LDLRAD4: variants seen among roughly 807,000 people sequenced by gnomAD.
LDLRAD4 encodes the protein low-density lipoprotein receptor class A domain-containing protein 4.
A neutral mutation model predicts 17.0 loss-of-function variants in LDLRAD4; 5 were observed. The observed-to-expected ratio is 0.29, with a 90% CI of 0.15 to 0.62. The LOEUF (loss-of-function observed/expected upper bound fraction) is 0.62, where lower values mean the gene tolerates loss of function less well. LDLRAD4 is among the 20% of genes least tolerant of loss of function. LDLRAD4 has a pLI of 0.84. For missense variants in LDLRAD4, 340 were observed against 424.7 expected, an observed-to-expected ratio of 0.80 and a Z score of 1.75; for synonymous variants, 168 against 171.8, an observed-to-expected ratio of 0.98 and a Z score of 0.17.
chr18:13,640,959 A>G (rs2042499441), intron 4 of LDLRAD4, among the ~76,000 whole-genome samples: 1 of 152,252 alleles, frequency 6.6e-6, no homozygotes, highest in Admixed American at 6.5e-5. Context: ...CACACAGTGC[A>G]GAGGTGCAGC....
intron 2 of LDLRAD4, among the ~76,000 whole-genome samples, chr18:13,411,031 G>C (rs955908635): frequency 6.6e-6 from 1 of 152,146 alleles, no homozygotes. Flanking sequence ...CGGGTGGATT[G>C]CTTGCATCCA....
chr18:13,502,235 T>C (rs76309979), intron 3 of LDLRAD4, among the ~76,000 whole-genome samples: 4,417 of 152,380 alleles, frequency 0.029, 75 homozygotes, highest in East Asian at 0.049. Flanking sequence ...TACTACTTAG[T>C]GCTTTAGGTT....
intron 1 of LDLRAD4, among the ~76,000 whole-genome samples, chr18:13,349,280 C>T (rs1017053907): frequency 2.0e-5 from 3 of 152,242 alleles, no homozygotes; most frequent in Non-Finnish European, 2.9e-5. Context: ...TACTCTTTTA[C>T]AGCTCCATCT....
At position 13,645,396 on chromosome 18, in the gene LDLRAD4, C is replaced by T. The variant is rs1340682557; in HGVS notation, c.660C>T (p.Asp220=). Residue 220 remains aspartate (D), a synonymous_variant, in exon 6 of 6, where the codon GAC becomes GAT. Transcript: ENST00000359446. The surrounding 1 kb of genome is among the most constrained non-coding windows in gnomAD (Gnocchi z 5.7). ...CCATATTTGACAGTGATTTAATAGA[C>T]ATTGCTATGTATAGCGGGGGTCCAT... is the stretch of plus-strand genomic sequence containing the variant. 6.2e-7 allele frequency: 1 copy of T among 1,614,088 alleles called. No individual in the cohort carries two copies. The highest frequency in any genetic ancestry group is 1.3e-5 in the African/African-American group (1 of 74,934).
At chr18:13,496,532 C>A (rs918915821) in intron 3 of LDLRAD4, among the ~76,000 whole-genome samples, 2 of 152,136 alleles carry the variant, frequency 1.3e-5, no homozygotes, top group East Asian at 1.9e-4. Flanking sequence ...AGAGGAAGAA[C>A]GGAGGAGATC....
chr18:13,483,533 C>G (rs1008283227), intron 3 of LDLRAD4, among the ~76,000 whole-genome samples: 2 of 152,166 alleles, frequency 1.3e-5, no homozygotes, highest in Non-Finnish European at 2.9e-5. Context: ...GGTGGGAGCC[C>G]TGGGGTTGGT....
At chr18:13,306,937 G>A (rs1198616678) in intron 1 of LDLRAD4, among the ~76,000 whole-genome samples, 1 of 152,182 alleles carries the variant, frequency 6.6e-6, no homozygotes, top group Non-Finnish European at 1.5e-5. Flanking sequence ...ACTTAATGGA[G>A]ATAAGTACTT....
chr18:13,319,743 C>G (rs1252363696), intron 1 of LDLRAD4, among the ~76,000 whole-genome samples: 1 of 152,118 alleles, frequency 6.6e-6, no homozygotes, highest in Non-Finnish European at 1.5e-5. Context: ...TACAGATCGT[C>G]TATATTTATG....
At chr18:13,382,811 G>T (rs2085481752) in intron 1 of LDLRAD4, 1 of 152,284 alleles carries the variant, frequency 6.6e-6, no homozygotes, top group African/African-American at 2.4e-5. Flanking sequence ...TGGGCCTCAG[G>T]AGTAGCATGG....
intron 3 of LDLRAD4, among the ~76,000 whole-genome samples, chr18:13,479,425 A>G (rs533569110): frequency 6.6e-6 from 1 of 152,340 alleles, no homozygotes; most frequent in East Asian, 1.9e-4. Flanking sequence ...GTTGGAGACC[A>G]GCCTGGCCAA....
At chr18:13,371,105 C>A (rs1057294409) in intron 1 of LDLRAD4, among the ~76,000 whole-genome samples, 1 of 152,176 alleles carries the variant, frequency 6.6e-6, no homozygotes, top group Non-Finnish European at 1.5e-5. Context: ...GTTCTGAGAA[C>A]CCGGGTGCCG....
At chr18:13,611,729 G>T in intron 3 of LDLRAD4, 1 of 985,438 alleles carries the variant, frequency 1.0e-6, no homozygotes, top group Non-Finnish European at 1.2e-6. Context: ...CCATACATGG[G>T]GAATAATGAT....
At chr18:13,609,347 T>C (rs537478963) in intron 3 of LDLRAD4, among the ~76,000 whole-genome samples, 1 of 152,200 alleles carries the variant, frequency 6.6e-6, no homozygotes, top group African/African-American at 2.4e-5. Context: ...AGCACCATCT[T>C]CAAGTGGTGC....
chr18:13,333,179 A>T (rs2081952328), intron 1 of LDLRAD4, among the ~76,000 whole-genome samples: 1 of 152,198 alleles, frequency 6.6e-6, no homozygotes, highest in African/African-American at 2.4e-5. Flanking sequence ...AATGTGAAGC[A>T]TCTTTTCATA....
intron 3 of LDLRAD4, chr18:13,462,229 T>C (rs1024788384): frequency 5.3e-5 from 8 of 152,262 alleles, no homozygotes; most frequent in Admixed American, 4.6e-4. Context: ...CAACTGTGGT[T>C]ACACTGGACA....
intron 3 of LDLRAD4, among the ~76,000 whole-genome samples, chr18:13,459,440 G>A (rs2092320533): frequency 6.6e-6 from 1 of 151,642 alleles, no homozygotes; most frequent in African/African-American, 2.4e-5. Flanking sequence ...CTGGAGTGCA[G>A]TGTGTGATCT....
intron 2 of LDLRAD4, among the ~76,000 whole-genome samples, chr18:13,419,126 A>G (rs1248974347): frequency 6.6e-6 from 1 of 152,170 alleles, no homozygotes; most frequent in African/African-American, 2.4e-5. Flanking sequence ...ATTTTTAGTT[A>G]TACTTTGCTG....
At chr18:13,303,713 C>T (rs528523045) in intron 1 of LDLRAD4, among the ~76,000 whole-genome samples, 1 of 152,294 alleles carries the variant, frequency 6.6e-6, no homozygotes, top group East Asian at 1.9e-4. Context: ...CTCCTCCTCA[C>T]TCCCCAAGAA....
intron 2 of LDLRAD4, among the ~76,000 whole-genome samples, chr18:13,388,780 C>G (rs568304609): frequency 6.6e-6 from 1 of 152,250 alleles, no homozygotes; most frequent in African/African-American, 2.4e-5. Context: ...TGTGGTGCCT[C>G]TCCAAGGAAG....
Sources: gnomAD v4.1 joint callset for allele counts (sites outside exome capture counted in the v4.1 genomes callset) on GRCh38, gnomAD v4.1.1 for gene constraint, Gnocchi (gnomAD v3.1) non-coding constraint, MANE v1.5 for transcripts, NCBI Gene and HGNC (gene_info 2026-07-23, HGNC 2026-07-21) for gene names.